The following CTNNA2 variants were observed in gnomAD, a reference collection of about 807,000 sequenced individuals.
The protein encoded by CTNNA2 is catenin alpha-2.
In CTNNA2, 42 loss-of-function variants were observed where a neutral mutation model predicts 101.0. That is an observed-to-expected ratio of 0.42 (90% CI 0.32 to 0.54). The LOEUF is 0.54. Among genes scored for constraint, CTNNA2 ranks in the 20% least tolerant of loss-of-function variants. The pLI is 0.14. For synonymous variants in CTNNA2, 450 were observed against 456.4 expected (o/e 0.99, Z 0.18); for missense variants, 871 against 1,223.1 (o/e 0.71, Z 4.29).
intron 6 of CTNNA2, 26 bp downstream of exon 6, chr2:79,874,368 A>G: frequency 6.2e-7 from 1 of 1,605,154 alleles, no homozygotes; most frequent in Non-Finnish European, 8.5e-7. Context: ...AGGTACACAG[A>G]GGGGTGGGCA....
intron 16 of CTNNA2, among the ~76,000 whole-genome samples, chr2:80,606,644 A>G (rs932564247): frequency 2.0e-5 from 3 of 151,910 alleles, no homozygotes; most frequent in African/African-American, 4.8e-5. Context: ...TTGATTCAAC[A>G]TGCCTTTTTA....
At chr2:79,540,298 CCTTAG>C (rs1673329110) in intron 1 of CTNNA2, among the ~76,000 whole-genome samples, 1 of 152,112 alleles carries the variant, frequency 6.6e-6, no homozygotes. Flanking sequence ...CCTCACCGTA[CCTTAG>C]CTTTCTCATC....
chr2:80,341,776 G>C (rs1357932679), intron 7 of CTNNA2, among the ~76,000 whole-genome samples: 3 of 152,118 alleles, frequency 2.0e-5, no homozygotes, highest in African/African-American at 7.2e-5. Context: ...TAATCCAAGA[G>C]ATAGGAAAAC....
At chr2:80,632,526 A>C (rs1672411053) in intron 18 of CTNNA2, among the ~76,000 whole-genome samples, 1 of 152,124 alleles carries the variant, frequency 6.6e-6, no homozygotes. Flanking sequence ...ATAGTTTGGA[A>C]ACTGTATTTC....
chr2:80,340,656 G>T (rs752052479), intron 7 of CTNNA2, among the ~76,000 whole-genome samples: 1 of 152,154 alleles, frequency 6.6e-6, no homozygotes, highest in Non-Finnish European at 1.5e-5. Context: ...TATCTCCTGT[G>T]TGGGACCTAG....
At chr2:79,831,795 T>TA (rs35304325) in intron 3 of CTNNA2, among the ~76,000 whole-genome samples, 24,743 of 148,246 alleles carry the variant, frequency 0.17, 2,297 homozygotes, top group South Asian at 0.23. Flanking sequence ...ACCCTTCAAT[T>TA]AAAAAAAAAA....
intron 18 of CTNNA2, among the ~76,000 whole-genome samples, chr2:80,636,048 T>A (rs1057463189): frequency 1.3e-5 from 2 of 150,434 alleles, no homozygotes; most frequent in Admixed American, 1.3e-4. Flanking sequence ...GGCACTGTCC[T>A]TTTCAATAAC....
intron 2 of CTNNA2, among the ~76,000 whole-genome samples, chr2:79,259,627 G>GACAAGTCA: frequency 6.6e-6 from 1 of 152,252 alleles, no homozygotes; most frequent in East Asian, 1.9e-4. Flanking sequence ...TGAGTTGGGG[G>GACAAGTCA]CCCAGGGGTG....
intron 1 of CTNNA2, among the ~76,000 whole-genome samples, chr2:79,622,214 T>C (rs926210658): frequency 1.3e-5 from 2 of 152,228 alleles, no homozygotes; most frequent in Admixed American, 1.3e-4. Flanking sequence ...TGTACCTCAG[T>C]CTTTAAGAAA....
At chr2:80,379,300 A>G (rs539932142) in intron 7 of CTNNA2, among the ~76,000 whole-genome samples, 2 of 152,218 alleles carry the variant, frequency 1.3e-5, no homozygotes, top group African/African-American at 4.8e-5. Context: ...AGCTAACCTT[A>G]TTTGATGTCT....
At chr2:80,043,097 C>T (rs186933810) in intron 7 of CTNNA2, among the ~76,000 whole-genome samples, 3,658 of 23,304 alleles carry the variant, frequency 0.16, 132 homozygotes, top group South Asian at 0.23. Flanking sequence ...CTTTCTTTCT[C>T]TCTCTCTCTC....
chr2:80,397,050 C>G (rs535096570), intron 8 of CTNNA2, among the ~76,000 whole-genome samples: 1 of 152,220 alleles, frequency 6.6e-6, no homozygotes, highest in East Asian at 1.9e-4. Context: ...TGTTTAAAGG[C>G]TGATTCATTA....
At chr2:80,533,868 C>T (rs1690756945) in intron 9 of CTNNA2, among the ~76,000 whole-genome samples, 1 of 152,152 alleles carries the variant, frequency 6.6e-6, no homozygotes, top group African/African-American at 2.4e-5. Context: ...TAAGGTAAGA[C>T]ATGATAAGCC....
chr2:79,619,182 G>A (rs550102443), intron 1 of CTNNA2, among the ~76,000 whole-genome samples: 73 of 152,362 alleles, frequency 4.8e-4, no homozygotes, highest in Non-Finnish European at 7.5e-4. Flanking sequence ...CTCCAGCCTG[G>A]GTGACAGAGT....
chr2:80,476,705 C>T (rs1685757511), intron 9 of CTNNA2, among the ~76,000 whole-genome samples: 1 of 152,156 alleles, frequency 6.6e-6, no homozygotes. Context: ...CTCCTCCCCT[C>T]TCTTGCTTTC....
intron 1 of CTNNA2, among the ~76,000 whole-genome samples, chr2:79,625,825 G>A (rs1679268624): frequency 6.6e-6 from 1 of 152,216 alleles, no homozygotes; most frequent in African/African-American, 2.4e-5. Context: ...CCTCCTTGGT[G>A]TTGTGATATA....
intron 4 of CTNNA2, among the ~76,000 whole-genome samples, chr2:79,478,926 C>T (rs1201889034): frequency 6.6e-6 from 1 of 152,170 alleles, no homozygotes; most frequent in Non-Finnish European, 1.5e-5. Flanking sequence ...TCATTTCCAC[C>T]ACTGGAGCAG....
chr2:80,247,768 TA>T (rs1368639891), intron 7 of CTNNA2, among the ~76,000 whole-genome samples: 4 of 152,166 alleles, frequency 2.6e-5, no homozygotes, highest in Admixed American at 6.5e-5. Context: ...CACTCACCCA[TA>T]AGCATCTGTA....
chr2:80,040,641 C>A (rs913043081), intron 7 of CTNNA2, among the ~76,000 whole-genome samples: 12 of 152,170 alleles, frequency 7.9e-5, no homozygotes, highest in African/African-American at 2.9e-4. Context: ...CATAATACTG[C>A]ATCCCAAAGC....
Sources: gnomAD v4.1 joint callset for allele counts (sites outside exome capture counted in the v4.1 genomes callset) on GRCh38, gnomAD v4.1.1 for gene constraint, MANE v1.5 for transcripts, NCBI Gene and HGNC (gene_info 2026-07-23, HGNC 2026-07-21) for gene names.